The following PDGFRA variants were observed in gnomAD, a reference collection of about 807,000 sequenced individuals.
PDGFRA encodes the protein platelet derived growth factor receptor alpha, also known as platelet-derived growth factor receptor alpha.
Under a neutral mutation model 121.5 loss-of-function variants are expected in PDGFRA, and 25 were observed. The observed-to-expected ratio is 0.21, with a 90% CI of 0.15 to 0.29. PDGFRA has a LOEUF of 0.29. PDGFRA is among the 10% of genes least tolerant of loss of function. The pLI, the probability that PDGFRA is intolerant of heterozygous loss-of-function variation, is 1.00. For missense variants in PDGFRA, 1,008 were observed against 1,345.1 expected (o/e 0.75, Z 3.92); for synonymous variants, 463 against 494.8 (o/e 0.94, Z 0.85).
intron 1 of PDGFRA, among the ~76,000 whole-genome samples, chr4:54,235,081 G>C (rs1363800513): frequency 6.6e-6 from 1 of 152,234 alleles, no homozygotes; most frequent in African/African-American, 2.4e-5. Flanking sequence ...GTTTCCACCA[G>C]TGTAGACCTG....
At chr4:54,279,891 T>C (rs1723971836) in intron 15 of PDGFRA, among the ~76,000 whole-genome samples, 1 of 147,206 alleles carries the variant, frequency 6.8e-6, no homozygotes, top group African/African-American at 2.6e-5. Flanking sequence ...TCATTCCTTT[T>C]TATAGCTGAG....
intron 1 of PDGFRA, among the ~76,000 whole-genome samples, chr4:54,251,465 C>T (rs11941325): frequency 1.2e-4 from 19 of 152,088 alleles, no homozygotes; most frequent in Non-Finnish European, 2.4e-4. Flanking sequence ...TAGTTATTTG[C>T]CTAAGTGCAG....
At chr4:54,248,886 C>A (rs1452340866) in intron 1 of PDGFRA, among the ~76,000 whole-genome samples, 2 of 152,076 alleles carry the variant, frequency 1.3e-5, no homozygotes, top group Non-Finnish European at 2.9e-5. Flanking sequence ...AAACAAACAA[C>A]CCCATCAAAA....
chr4:54,273,516 T>C, intron 9 of PDGFRA, 21 bp from the exon 10 acceptor site: 2 of 1,605,316 alleles, frequency 1.2e-6, no homozygotes, highest in East Asian at 2.2e-5. Flanking sequence ...GGCCCTATAC[T>C]TAGGCCCTTT....
Position 54,267,686 on chromosome 4 carries a change from CTGAT to C in PDGFRA, c.1070_1073del (p.Ile357LysfsTer16). On this transcript the variant is annotated frameshift_variant, in exon 7 of 23. Transcript: ENST00000257290. LOFTEE classifies it high-confidence loss of function. ...ATCCTGGCTGAAAAACAATCTGACTCTGATTGAAAATCTCACTGAGATCACCACT... is the reference window on the plus strand; with the variant it reads ...ATCCTGGCTGAAAAACAATCTGACTCTGAAAATCTCACTGAGATCACCACT... The C allele has an allele frequency of 6.2e-7, 1 of 1,614,092 alleles. No individual in the cohort carries two copies.
intron 1 of PDGFRA, chr4:54,243,588 A>C (rs1006759465): frequency 1.3e-5 from 2 of 152,312 alleles, no homozygotes; most frequent in Admixed American, 6.5e-5. Flanking sequence ...GTTGGAGCCA[A>C]GATGGCTGAA....
chr4:54,249,884 T>C (rs1350275463), intron 1 of PDGFRA, among the ~76,000 whole-genome samples: 1 of 151,458 alleles, frequency 6.6e-6, no homozygotes, highest in Non-Finnish European at 1.5e-5. Context: ...CACAACAGAG[T>C]TTTCTAGAGC....
chr4:54,257,580 T>C (rs556337273), intron 1 of PDGFRA, among the ~76,000 whole-genome samples: 5 of 152,152 alleles, frequency 3.3e-5, no homozygotes, highest in Non-Finnish European at 5.9e-5. Flanking sequence ...ATGTTAAAAC[T>C]GGGGGCTCTG....
intron 2 of PDGFRA, among the ~76,000 whole-genome samples, chr4:54,259,464 G>T (rs1722566063): frequency 6.6e-6 from 1 of 152,174 alleles, no homozygotes; most frequent in African/African-American, 2.4e-5. Context: ...ATTGATAGAT[G>T]AATGTTTGGC....
intron 1 of PDGFRA, among the ~76,000 whole-genome samples, chr4:54,254,092 A>G (rs540588452): frequency 6.6e-6 from 1 of 152,328 alleles, no homozygotes; most frequent in African/African-American, 2.4e-5. Flanking sequence ...ATTACTAATT[A>G]AGAATGAGCA....
rs1324918182 is a variant in PDGFRA at position 54,265,845 on chromosome 4, A to G, written c.759+796A>G. ...TGGAGAACAAAAACGAGATATATATATTTCTTGCCTCCACTCCTGACTTGT... is the reference window on the plus strand; with the variant it reads ...TGGAGAACAAAAACGAGATATATATGTTTCTTGCCTCCACTCCTGACTTGT... On this transcript the variant is annotated intron_variant, in intron 5 of 22. Coordinates refer to ENST00000257290, the MANE Select transcript of PDGFRA (RefSeq NM_006206.6). 5.3e-5 allele frequency among the ~76,000 whole-genome samples: 8 copies of G among 152,162 alleles called. No individual in the cohort carries two copies. In the East Asian group the frequency reaches 1.5e-3, roughly 29 times the overall value.
chr4:54,294,537 G>A (rs1724784780), intron 22 of PDGFRA, among the ~76,000 whole-genome samples: 1 of 152,062 alleles, frequency 6.6e-6, no homozygotes, highest in Non-Finnish European at 1.5e-5. Context: ...AGTAAGTGGG[G>A]GGACCATTCC....
In PDGFRA at chr4:54,295,057, G is replaced by C. The variant is rs936298209; in HGVS notation, c.3123-68G>C. 91 of 1,480,404 alleles carry C rather than the reference G, an allele frequency of 6.1e-5. No homozygotes were observed. The Admixed American group carries it at 1.1e-3, about 19-fold the overall frequency. 91.7% of individuals were successfully genotyped at this position (1,480,404 alleles called of 1,614,324 possible). A position where few individuals can be genotyped will look rare whatever the true frequency, so the allele number is the denominator to read the frequency against. On this transcript the variant is annotated intron_variant, in intron 22 of 22. Transcript: ENST00000257290. ...ATGCCAAAGGCTTTCGTTTGTCTCT[G>C]GGGGGCCACAGTCTAGGTCTAGTTC...
rs1278795733 is a variant in PDGFRA, at chr4:54,284,886, T to A, written c.2324-485T>A. On this transcript the variant is annotated intron_variant, in intron 16 of 22. Transcript: ENST00000257290. The stretch of plus-strand genomic sequence containing the variant: ...TTCTTTCATTCTTTCTATCTTTTTT[T>A]TTTTTTTTTTTTTTTGAGACAGAGT... 3.7e-5 allele frequency among the ~76,000 whole-genome samples: 5 copies of A among 134,332 alleles called. No individual in the cohort carries two copies. The Admixed American group carries it at 3.7e-4, about 10-fold the overall frequency. The allele number at this position is 134,332 out of a possible 152,430, so 88.1% of individuals were successfully genotyped here. A position where few individuals can be genotyped will look rare whatever the true frequency, so the allele number is the denominator to read the frequency against.
At chr4:54,282,886 C>G (rs1315950864) in intron 16 of PDGFRA, among the ~76,000 whole-genome samples, 1 of 152,240 alleles carries the variant, frequency 6.6e-6, no homozygotes, top group Non-Finnish European at 1.5e-5. Flanking sequence ...AAAGGGGCTA[C>G]AAGCCCCACA....
intron 8 of PDGFRA, among the ~76,000 whole-genome samples, chr4:54,271,999 C>G (rs1723425802): frequency 2.6e-5 from 1 of 38,436 alleles, no homozygotes; most frequent in African/African-American, 1.5e-4. Flanking sequence ...CTCCCCCCTC[C>G]CCCCCTCCCC....
chr4:54,280,352 C>G lies in PDGFRA; in HGVS notation c.2193C>G (p.Tyr731Ter), dbSNP rs2110323572. ...TATCTTTTGAAAACAATGGTGACTA[C>G]ATGGACATGAAGCAGGCTGATACTA... ...VILSFENNGD[Y>*]MDMKQADTTQ... The change falls in exon 16 of 23, where the codon TAC becomes TAG. Residue 731 changes from tyrosine (Y) to a stop codon, truncating the protein, a stop_gained. Transcript: ENST00000257290. LOFTEE classifies it high-confidence loss of function. The G allele has an allele frequency of 6.2e-7, 1 of 1,613,508 alleles. No individual in the cohort carries two copies. The highest frequency in any genetic ancestry group is 8.5e-7 in the Non-Finnish European group (1 of 1,179,446).
intron 1 of PDGFRA, among the ~76,000 whole-genome samples, chr4:54,245,471 T>G (rs1363880613): frequency 6.6e-6 from 1 of 151,886 alleles, no homozygotes; most frequent in African/African-American, 2.4e-5. Context: ...CTAAGCTTCA[T>G]AAGTGAAGGA....
intron 19 of PDGFRA, among the ~76,000 whole-genome samples, chr4:54,288,196 G>T (rs1724448231): frequency 6.6e-6 from 1 of 152,168 alleles, no homozygotes; most frequent in African/African-American, 2.4e-5. Flanking sequence ...GTGTGGGAAG[G>T]CTTCAGAGAG....
Sources: allele counts gnomAD v4.1 joint callset (sites outside exome capture counted in the v4.1 genomes callset), GRCh38; gene constraint gnomAD v4.1.1; transcripts MANE v1.5; gene names NCBI Gene and HGNC (gene_info 2026-07-23, HGNC 2026-07-21).